ZNF91: variants seen among roughly 807,000 people sequenced by gnomAD.
The protein encoded by ZNF91 is zinc finger protein 91, also known as zinc finger protein 91 (HPF7, HTF10).
ZNF91 carries 7 observed loss-of-function variants against 12.6 expected under a neutral mutation model. The ratio of observed to expected loss-of-function variants is 0.55; its 90% CI spans 0.31 to 1.04. The LOEUF (loss-of-function observed/expected upper bound fraction) is 1.04, where lower values mean the gene tolerates loss of function less well. Among genes scored for constraint, ZNF91 ranks in the 50% least tolerant of loss-of-function variants. The probability of loss-of-function intolerance (pLI) is 0.05; values close to 1 mark genes in which losing one functional copy is unlikely to be tolerated. For synonymous variants in ZNF91, 453 were observed against 462.6 expected, an observed-to-expected ratio of 0.98 and a Z score of 0.27; for missense variants, 1,217 against 1,385.4, an observed-to-expected ratio of 0.88 and a Z score of 1.93.
intron 3 of ZNF91, among the ~76,000 whole-genome samples, chr19:23,347,988 A>AT (rs1968272726): frequency 6.6e-6 from 1 of 152,148 alleles, no homozygotes; most frequent in Non-Finnish European, 1.5e-5. Flanking sequence ...ATAATTCCCA[A>AT]TTTTGGACTG....
chr19:23,356,312 T>C (rs1473900497), downstream of ZNF91, among the ~76,000 whole-genome samples: 2 of 151,780 alleles, frequency 1.3e-5, no homozygotes, highest in Admixed American at 6.6e-5. Flanking sequence ...CTGTGAAATA[T>C]ATATATGTGT....
intron 3 of ZNF91, among the ~76,000 whole-genome samples, chr19:23,367,509 T>C (rs1044604189): frequency 6.6e-6 from 1 of 152,174 alleles, no homozygotes; most frequent in Admixed American, 6.5e-5. Context: ...ACAAATTCAA[T>C]AGAATCTTTA....
downstream of ZNF91, among the ~76,000 whole-genome samples, chr19:23,354,838 G>C (rs1968447883): frequency 6.6e-6 from 1 of 151,726 alleles, no homozygotes; most frequent in Non-Finnish European, 1.5e-5. Context: ...ACCAAATGGA[G>C]AATTAAATCA....
chr19:23,383,883 G>T (rs549360724), intron 1 of ZNF91, among the ~76,000 whole-genome samples: 2 of 152,052 alleles, frequency 1.3e-5, no homozygotes, highest in African/African-American at 4.8e-5. Context: ...AGGCCAAGGC[G>T]GGTGGATCAC....
intron 3 of ZNF91, among the ~76,000 whole-genome samples, chr19:23,368,244 G>A (rs1168868039): frequency 2.6e-5 from 4 of 152,012 alleles, no homozygotes; most frequent in Non-Finnish European, 5.9e-5. Flanking sequence ...GGGCACTGTG[G>A]CTCATGCCTG....
chr19:23,309,846 C>A (rs950086033), intron 1 of ZNF91, among the ~76,000 whole-genome samples: 2 of 151,576 alleles, frequency 1.3e-5, no homozygotes, highest in African/African-American at 2.4e-5. Flanking sequence ...CAAGGCCCAG[C>A]GTGCAGATGA....
chr19:23,320,183 T>C (rs1479017080), intron 1 of ZNF91, among the ~76,000 whole-genome samples: 2 of 152,194 alleles, frequency 1.3e-5, no homozygotes, highest in Admixed American at 1.3e-4. Context: ...TGGACACTTA[T>C]GGGATAGTGA....
chr19:23,323,507 TTTC>T lies in ZNF91; in HGVS notation n.117-14413_117-14411del, dbSNP rs1420802637. Among the ~76,000 whole-genome samples the T allele has an allele frequency of 4.0e-5, 5 of 126,154 alleles. No individual in the cohort carries two copies. The East Asian group carries it at 1.3e-3, about 33-fold the overall frequency. 82.8% of individuals were successfully genotyped at this position (126,154 alleles called of 152,430 possible). On this transcript the variant is annotated intron_variant and non_coding_transcript_variant, in intron 1 of 1. Coordinates refer to the ZNF91 transcript ENST00000596528. ...CTTCTTCCTATCATCCTCCTTTTCCTTTCTTCTCCTCTACTCTTCTCCTCCTTT... is the reference window on the plus strand; with the variant it reads ...CTTCTTCCTATCATCCTCCTTTTCCTTTCTCCTCTACTCTTCTCCTCCTTT...
At position 23,393,053 on chromosome 19, in the gene ZNF91, GT is replaced by G. The variant is rs1046224054; in HGVS notation, c.30+2271del. Among the ~76,000 whole-genome samples the G allele has an allele frequency of 7.3e-5, 11 of 150,604 alleles. No homozygotes were observed. In the South Asian group the frequency reaches 1.5e-3, roughly 20 times the overall value. On this transcript the variant is annotated intron_variant, in intron 1 of 3. Transcript: ENST00000300619. Reference sequence around the variant, plus strand: ...TGGGGTCAGTTTTTTGGTTTTTTGGGTTTTTTTTTGTTTTTTGTCTTTTGGA... The same window carrying G: ...TGGGGTCAGTTTTTTGGTTTTTTGGGTTTTTTTTGTTTTTTGTCTTTTGGA...
upstream of ZNF91, among the ~76,000 whole-genome samples, chr19:23,311,856 T>C (rs1447407496): frequency 6.6e-6 from 1 of 151,104 alleles, no homozygotes; most frequent in Non-Finnish European, 1.5e-5. Context: ...GTGTCTTTTG[T>C]TCATCACTAG....
chr19:23,337,200 T>C (rs1968027936), downstream of ZNF91, among the ~76,000 whole-genome samples: 1 of 151,982 alleles, frequency 6.6e-6, no homozygotes. Context: ...AAGATAAATT[T>C]ATTGTTTTCT....
At position 23,360,384 on chromosome 19, in the gene ZNF91, T is replaced by C. The variant is rs962588219; in HGVS notation, c.2595A>G (p.Gln865=). The C allele has an allele frequency of 5.0e-6, 8 of 1,613,856 alleles. No individual in the cohort carries two copies. Among genetic ancestry groups the C allele is most frequent in the Non-Finnish European group, 6.8e-6 (8 of 1,179,758 alleles). Residue 865 remains glutamine, a synonymous_variant, in exon 4 of 4, where the codon CAA becomes CAG. Coordinates refer to ENST00000300619, the MANE Select transcript of ZNF91 (RefSeq NM_003430.4). ...KCEECGKAFN[Q]SSNLTTHKII... ...TCTTATGTGTCGTAAGATTTGAAGA[T>C]TGATTAAAAGCTTTGCCACATTCCT...
intron 1 of ZNF91, chr19:23,384,497 C>T: frequency 1.1e-6 from 1 of 884,266 alleles, no homozygotes; most frequent in Non-Finnish European, 1.5e-6. Flanking sequence ...GCCCTTTCTT[C>T]CGCTTGCAAA....
intron 3 of ZNF91, among the ~76,000 whole-genome samples, chr19:23,340,908 C>G (rs1383405131): frequency 1.3e-5 from 2 of 151,304 alleles, no homozygotes; most frequent in African/African-American, 4.8e-5. Flanking sequence ...ATAACTCAAA[C>G]AACTCAAAAA....
At chr19:23,366,183 G>A (rs1969006275) in intron 3 of ZNF91, among the ~76,000 whole-genome samples, 2 of 152,062 alleles carry the variant, frequency 1.3e-5, no homozygotes, top group African/African-American at 2.4e-5. Context: ...TGGGGTGGCT[G>A]GCCCGGCGGG....
rs889011051 is a variant in ZNF91, at chr19:23,358,585, G to A, written c.*818C>T. 1.3e-5 allele frequency: 2 copies of A among 152,412 alleles called. No homozygotes were observed. Among genetic ancestry groups the A allele is most frequent in the African/African-American group, 4.8e-5 (2 of 41,436 alleles). 9.4% of individuals were successfully genotyped at this position (152,412 alleles called of 1,614,324 possible). A position where few individuals can be genotyped will look rare whatever the true frequency, so the allele number is the denominator to read the frequency against. On this transcript the variant is annotated 3_prime_UTR_variant, in exon 4 of 4. Transcript: ENST00000300619. ...AACGCTCTGAATTTGAGTACGATGT[G>A]AGCAGGTATTAATGGCTTTTTGTCT... is the stretch of plus-strand genomic sequence containing the variant.
At chr19:23,388,731 G>C (rs905815432) in intron 1 of ZNF91, among the ~76,000 whole-genome samples, 9 of 152,122 alleles carry the variant, frequency 5.9e-5, no homozygotes, top group Admixed American at 2.0e-4. Context: ...AAATTAGCCA[G>C]GCATGGTGGT....
chr19:23,331,241 G>C (rs1247383790), intron 1 of ZNF91, among the ~76,000 whole-genome samples: 1 of 151,946 alleles, frequency 6.6e-6, no homozygotes, highest in African/African-American at 2.4e-5. Context: ...AAGACTAAGT[G>C]AATGAAAGTT....
At chr19:23,317,990 G>A (rs1350056048) in intron 1 of ZNF91, among the ~76,000 whole-genome samples, 1 of 152,146 alleles carries the variant, frequency 6.6e-6, no homozygotes, top group African/African-American at 2.4e-5. Flanking sequence ...TGACCCTTCT[G>A]CCTGAGCCCA....
Sources: gnomAD v4.1 joint callset for allele counts (sites outside exome capture counted in the v4.1 genomes callset) on GRCh38, gnomAD v4.1.1 for gene constraint, MANE v1.5 for transcripts, NCBI Gene and HGNC (gene_info 2026-07-23, HGNC 2026-07-21) for gene names.